The following ARID1A variants were observed in gnomAD, a reference collection of about 807,000 sequenced individuals.
The protein encoded by ARID1A is AT-rich interactive domain-containing protein 1A.
In ARID1A, 20 loss-of-function variants were observed where a neutral mutation model predicts 212.6. The ratio of observed to expected loss-of-function variants is 0.09; its 90% CI spans 0.07 to 0.14. The LOEUF is 0.14. Ranked by LOEUF, ARID1A falls within the 10% of genes least tolerant of loss-of-function variation. The pLI is 1.00. For synonymous variants in ARID1A, 1,376 were observed against 1,222.1 expected (o/e 1.13, Z -2.63); for missense variants, 2,587 against 3,059.0 (o/e 0.85, Z 3.64).
Position 26,762,294 on chromosome 1 carries a change from C to T in ARID1A, c.2394C>T (p.Pro798=), listed in dbSNP as rs2124064476. ...YQQNSMGSYG[P]QGGQYGPQGG... is the part of the protein sequence containing the mutation. ...AGAACTCCATGGGGAGCTATGGTCC[C>T]CAGGGGGGTCAGTATGGCCCACAAG... The change falls in exon 7 of 20, where the codon CCC becomes CCT. Residue 798 remains proline, a synonymous_variant. Transcript: ENST00000324856. 1 of 1,614,090 alleles carries T rather than the reference C, an allele frequency of 6.2e-7. No homozygotes were observed. Among genetic ancestry groups the T allele is most frequent in the Non-Finnish European group, 8.5e-7 (1 of 1,179,994 alleles).
chr1:26,746,059 T>C (rs2080833102), intron 4 of ARID1A, among the ~76,000 whole-genome samples: 1 of 151,922 alleles, frequency 6.6e-6, no homozygotes, highest in Admixed American at 6.6e-5. Flanking sequence ...CTCAAAAAAA[T>C]AGAAAAGGAA....
intron 1 of ARID1A, among the ~76,000 whole-genome samples, chr1:26,720,184 T>C (rs184830367): frequency 1.7e-3 from 256 of 149,712 alleles, no homozygotes; most frequent in African/African-American, 6.1e-3. Context: ...CCGAGAGGCA[T>C]AAGTTGGAGT....
Position 26,780,702 on chromosome 1 carries a change from C to A in ARID1A, c.6804C>A (p.Asn2268Lys). The change falls in exon 20 of 20, where the codon AAC becomes AAA. Residue 2268 changes from asparagine (N) to lysine (K), a missense_variant. Asn to Lys is a moderately conservative substitution (Grantham distance 94, BLOSUM62 0). Around this residue, in one of 11 missense-constraint regions of ARID1A, gnomAD observed 27 missense variants for 28.4 expected, o/e 0.95. Coordinates refer to ENST00000324856, the MANE Select transcript of ARID1A (RefSeq NM_006015.6). The surrounding 1 kb of genome is among the most constrained non-coding windows in gnomAD (Gnocchi z 7.2). ...ACATCTCGGTATCACCGTTGATGAA[C>A]TCATTGGTTTCACAAGTCATTTGTG... The part of the protein sequence containing the change: ...LLDISVSPLM[N>K]SLVSQVICDV... 6.3e-7 allele frequency: 1 copy of A among 1,594,212 alleles called. No homozygotes were observed. Among genetic ancestry groups the A allele is most frequent in the Non-Finnish European group, 8.5e-7 (1 of 1,173,334 alleles).
Position 26,697,293 on chromosome 1 carries a change from A to T in ARID1A, c.890A>T (p.Gln297Leu), listed in dbSNP as rs1196722828. The stretch of plus-strand genomic sequence containing the variant: ...CCCACCGCCACCCCCACCCTCAACC[A>T]ACTGCTCACGTCGCCCAGCTCGGCC... Reference protein sequence around the residue: ...PQPTATPTLNQLLTSPSSARG... With the variant: ...PQPTATPTLNLLLTSPSSARG... Residue 297 changes from glutamine (Q) to leucine (L), a missense_variant, in exon 1 of 20, where the codon CAA becomes CTA. By Grantham distance (113) the Gln-to-Leu change is moderately radical (BLOSUM62 -2). Around this residue, in one of 11 missense-constraint regions of ARID1A, gnomAD observed 735 missense variants for 590.6 expected, o/e 1.24. Transcript: ENST00000324856. The T allele has an allele frequency of 7.4e-7, 1 of 1,356,418 alleles. No individual in the cohort carries two copies. Among genetic ancestry groups the T allele is most frequent in the Non-Finnish European group, 9.4e-7 (1 of 1,060,674 alleles). 84.0% of individuals were successfully genotyped at this position (1,356,418 alleles called of 1,614,324 possible). A position where few individuals can be genotyped will look rare whatever the true frequency, so the allele number is the denominator to read the frequency against.
intron 8 of ARID1A, 71 bp from the exon 9 acceptor site, chr1:26,766,150 T>C (rs1451828545): frequency 3.9e-6 from 6 of 1,530,328 alleles, no homozygotes; most frequent in Admixed American, 3.9e-5. Context: ...ACAGCACTAT[T>C]TGGCTCCAGT....
chr1:26,761,503 G>A (rs1441638897), intron 6 of ARID1A, 30 bp downstream of exon 6: 5 of 1,610,704 alleles, frequency 3.1e-6, no homozygotes, highest in Admixed American at 1.7e-5. Context: ...GGAGGGGCAG[G>A]GAGCTAGGGC....
rs1421023459 is a variant in ARID1A, at chr1:26,763,078, A to G, written c.2525A>G (p.His842Arg). ...INPMGAGGQM[H>R]GQPGIPPYGT... is the part of the protein sequence containing the mutation. ...CCCATGGGTGCCGGAGGTCAAATGCATGGACAGCCTGGCATCCCACCTTAT... is the reference window on the plus strand; with the variant it reads ...CCCATGGGTGCCGGAGGTCAAATGCGTGGACAGCCTGGCATCCCACCTTAT... The change falls in exon 8 of 20, where the codon CAT becomes CGT. Residue 842 changes from histidine (H) to arginine (R), a missense_variant. By Grantham distance (29) the His-to-Arg change is conservative (BLOSUM62 0). Around this residue, in one of 11 missense-constraint regions of ARID1A, gnomAD observed 674 missense variants for 813.4 expected, o/e 0.83. Transcript: ENST00000324856. The G allele has an allele frequency of 1.2e-6, 2 of 1,614,230 alleles. No individual in the cohort carries two copies. Among genetic ancestry groups the G allele is most frequent in the Non-Finnish European group, 1.7e-6 (2 of 1,180,030 alleles).
In ARID1A at chr1:26,753,892, C is replaced by T. The variant is rs149916960; in HGVS notation, c.1921-6964C>T. Among the ~76,000 whole-genome samples the T allele has an allele frequency of 1.2e-4, 18 of 152,246 alleles. No homozygotes were observed. The East Asian group carries it at 3.1e-3, about 26-fold the overall frequency. ...CGTGATCTCGGCTCATTGCAAGCTCCGCCTCCTGGATTCATGCCATTCTCC... is the reference window on the plus strand; with the variant it reads ...CGTGATCTCGGCTCATTGCAAGCTCTGCCTCCTGGATTCATGCCATTCTCC... On this transcript the variant is annotated intron_variant, in intron 4 of 19. Coordinates refer to ENST00000324856, the MANE Select transcript of ARID1A (RefSeq NM_006015.6).
chr1:26,778,348 TC>T (rs1466071106), intron 19 of ARID1A: 1 of 152,190 alleles, frequency 6.6e-6, no homozygotes, highest in Non-Finnish European at 1.5e-5. Flanking sequence ...TATTTTTTTT[TC>T]CATCTGCTCT....
chr1:26,697,185 C>A lies in ARID1A; in HGVS notation c.782C>A (p.Ser261Ter), dbSNP rs867647567. The A allele has an allele frequency of 7.0e-7, 1 of 1,427,162 alleles. No homozygotes were observed. The highest frequency in any genetic ancestry group is 9.1e-7 in the Non-Finnish European group (1 of 1,096,640). The allele number at this position is 1,427,162 out of a possible 1,614,324, so 88.4% of individuals were successfully genotyped here. Residue 261 changes from serine to a stop codon, truncating the protein, a stop_gained, in exon 1 of 20, where the codon TCG (serine) becomes TAG (stop). Transcript: ENST00000324856. LOFTEE classifies it high-confidence loss of function. ...PPPSSSASAS[S>*]SSSSFAQQRF... is the part of the protein sequence containing the mutation. The stretch of plus-strand genomic sequence containing the variant: ...CCCTCCTCCAGCGCCTCCGCCTCCT[C>A]GTCGTCTTCGTCCTTCGCTCAGCAG...
rs1229101269 is a variant in ARID1A at position 26,782,001 on chromosome 1, CCT to C, written c.*1246_*1247del. 1.3e-5 allele frequency: 3 copies of C among 233,018 alleles called. No homozygotes were observed. The highest frequency in any genetic ancestry group is 2.5e-5 in the Non-Finnish European group (3 of 117,790). 14.4% of individuals were successfully genotyped at this position (233,018 alleles called of 1,614,324 possible). On this transcript the variant is annotated 3_prime_UTR_variant, in exon 20 of 20. Transcript: ENST00000324856. ...TAGCTAAAACTTGATGTAAATTCCT[CCT>C]TTTTTTCCTTTTTTGGCTTAATGAA...
chr1:26,750,013 C>T (rs1011625345), intron 4 of ARID1A, among the ~76,000 whole-genome samples: 4 of 152,160 alleles, frequency 2.6e-5, no homozygotes, highest in Admixed American at 6.5e-5. Flanking sequence ...AGCATCTTGT[C>T]GTTTGTGTGT....
Position 26,696,465 on chromosome 1 carries a change from C to T in ARID1A, c.62C>T (p.Pro21Leu). Residue 21 changes from proline (P) to leucine (L), a missense_variant, in exon 1 of 20, where the codon CCC becomes CTC. Physicochemically the swap from Pro to Leu is moderately conservative, Grantham distance 98 (BLOSUM62 -3). Coordinates refer to ENST00000324856, the MANE Select transcript of ARID1A (RefSeq NM_006015.6). The stretch of plus-strand genomic sequence containing the variant: ...CTGGGCAACCCGCCGCCGCCGCCGC[C>T]CTCGGAGCTGAAGAAAGCCGAGCAG... ...SSLGNPPPPPPSELKKAEQQQ... is the reference protein window; with the variant it reads ...SSLGNPPPPPLSELKKAEQQQ... 7.8e-7 allele frequency: 1 copy of T among 1,287,786 alleles called. No homozygotes were observed. The highest frequency in any genetic ancestry group is 1.6e-5 in the African/African-American group (1 of 64,408). 79.8% of individuals were successfully genotyped at this position (1,287,786 alleles called of 1,614,324 possible).
intron 1 of ARID1A, among the ~76,000 whole-genome samples, chr1:26,710,492 CAT>C (rs1271428666): frequency 7.5e-6 from 1 of 132,654 alleles, no homozygotes; most frequent in African/African-American, 2.8e-5. Flanking sequence ...TAAAATAATA[CAT>C]ACACACACAC....
chr1:26,764,418 T>C (rs1246298305), intron 8 of ARID1A: 4 of 152,190 alleles, frequency 2.6e-5, no homozygotes, highest in Non-Finnish European at 5.9e-5. Context: ...ATGATACATA[T>C]GTCTTGGATC....
chr1:26,761,418 G>T lies in ARID1A; in HGVS notation c.2196G>T (p.Gln732His). 6.2e-7 allele frequency: 1 copy of T among 1,614,228 alleles called. No individual in the cohort carries two copies. The highest frequency in any genetic ancestry group is 8.5e-7 in the Non-Finnish European group (1 of 1,180,044). The change falls in exon 6 of 20, where the codon CAG (glutamine) becomes CAT (histidine). Residue 732 changes from glutamine to histidine, a missense_variant. Transcript: ENST00000324856. Reference sequence around the variant, plus strand: ...TGCCACCTCGGCCACCCAGTGGCCAGTCGGACAGCATCATGCATCCTTCCA... The same window carrying T: ...TGCCACCTCGGCCACCCAGTGGCCATTCGGACAGCATCATGCATCCTTCCA... ...NQMPPRPPSG[Q>H]SDSIMHPSMN...
At chr1:26,734,432 A>C (rs1019989151) in intron 4 of ARID1A, among the ~76,000 whole-genome samples, 1 of 144,452 alleles carries the variant, frequency 6.9e-6, no homozygotes, top group African/African-American at 2.6e-5. Flanking sequence ...AGAACTTCTT[A>C]TCTGACCCAC....
Position 26,780,782 on chromosome 1 carries a change from G to C in ARID1A, c.*26G>C, listed in dbSNP as rs199555039. On this transcript the variant is annotated 3_prime_UTR_variant, in exon 20 of 20. Transcript: ENST00000324856. This position sits in a 1 kb window ranked among gnomAD's most constrained non-coding sequence, Gnocchi z 7.2. ...CAGCCGTGGGACACCTCCCCCCCCC[G>C]TGTGTGTGTGCGTGTGTGGAGAACT... The C allele has an allele frequency of 3.3e-6, 5 of 1,509,174 alleles. No homozygotes were observed. The highest frequency in any genetic ancestry group is 1.8e-5 in the Admixed American group (1 of 54,304). 93.5% of individuals were successfully genotyped at this position (1,509,174 alleles called of 1,614,324 possible).
At chr1:26,747,666 C>G (rs1050657586) in intron 4 of ARID1A, among the ~76,000 whole-genome samples, 2 of 146,782 alleles carry the variant, frequency 1.4e-5, no homozygotes, top group Non-Finnish European at 3.0e-5. Flanking sequence ...GGCAACACAG[C>G]AAGATCCCCA....
Sources: gnomAD v4.1 joint callset for allele counts (sites outside exome capture counted in the v4.1 genomes callset) on GRCh38, gnomAD v4.1.1 for gene constraint, gnomAD v4.1.1 regional missense constraint, Gnocchi (gnomAD v3.1) non-coding constraint, MANE v1.5 for transcripts, NCBI Gene and HGNC (gene_info 2026-07-23, HGNC 2026-07-21) for gene names.